Variants in HHIP observed in about 807,000 individuals in gnomAD.
HHIP encodes the protein hedgehog interacting protein.
In HHIP, 12 loss-of-function variants were observed where a neutral mutation model predicts 74.0. That is an observed-to-expected ratio of 0.16 (90% CI 0.10 to 0.26). The LOEUF is 0.26. Among genes scored for constraint, HHIP ranks in the 10% least tolerant of loss-of-function variants. The pLI is 1.00. For synonymous variants in HHIP, 309 were observed against 311.6 expected (o/e 0.99, Z 0.09); for missense variants, 788 against 845.0 (o/e 0.93, Z 0.84).
At chr4:144,730,511 AT>A (rs906841042) in intron 11 of HHIP, among the ~76,000 whole-genome samples, 3 of 151,894 alleles carry the variant, frequency 2.0e-5, no homozygotes, top group Non-Finnish European at 4.4e-5. Context: ...GGTTCCAAAA[AT>A]TTAAAGAGTT....
chr4:144,735,816 CA>C (rs1459783149), intron 12 of HHIP, among the ~76,000 whole-genome samples: 1 of 151,792 alleles, frequency 6.6e-6, no homozygotes, highest in Admixed American at 6.6e-5. Flanking sequence ...TATTGCCTAA[CA>C]AAAAAACCAA....
chr4:144,742,108 T>G lies in HHIP; in HGVS notation c.*4151T>G, dbSNP rs1172582237. Reference sequence around the variant, plus strand: ...ACATACATACATATATTCTTTTTCCTTTTAACCACTTCCCTCTCCTACATT... The same window carrying G: ...ACATACATACATATATTCTTTTTCCGTTTAACCACTTCCCTCTCCTACATT... On this transcript the variant is annotated 3_prime_UTR_variant, in exon 13 of 13. Coordinates refer to ENST00000296575, the MANE Select transcript of HHIP (RefSeq NM_022475.3). 6.6e-6 allele frequency: 1 copy of G among 151,866 alleles called. No individual in the cohort carries two copies. Among genetic ancestry groups the G allele is most frequent in the African/African-American group, 2.4e-5 (1 of 41,362 alleles). 9.4% of individuals were successfully genotyped at this position (151,866 alleles called of 1,614,324 possible). A position where few individuals can be genotyped will look rare whatever the true frequency, so the allele number is the denominator to read the frequency against.
In HHIP at chr4:144,744,760, G is replaced by C. The variant is rs766234775; in HGVS notation, c.*6803G>C. ...TACCATGATTATGTGCTGTAGAAAA[G>C]ACAAGGACATTTACTAGGGGGGGAT... On this transcript the variant is annotated 3_prime_UTR_variant, in exon 13 of 13. Coordinates refer to ENST00000296575, the MANE Select transcript of HHIP (RefSeq NM_022475.3). 2.7e-4 allele frequency: 27 copies of C among 101,786 alleles called. No homozygotes were observed. Among genetic ancestry groups the C allele is most frequent in the Non-Finnish European group, 4.8e-4 (24 of 49,584 alleles). The allele number at this position is 101,786 out of a possible 1,614,324, so 6.3% of individuals were successfully genotyped here.
In HHIP at chr4:144,742,964, G is replaced by T. The variant is rs28484764; in HGVS notation, c.*5007G>T. On this transcript the variant is annotated 3_prime_UTR_variant, in exon 13 of 13. Transcript: ENST00000296575. ...TTATATATATATCTTATACATATAA[G>T]ATATATGTATATATATATACATTAT... is the stretch of plus-strand genomic sequence containing the variant. The T allele has an allele frequency of 0.01, 54 of 5,314 alleles. 2 individuals are homozygous for T. Among genetic ancestry groups the T allele is most frequent in the African/African-American group, 0.013 (53 of 4,206 alleles). The allele number at this position is 5,314 out of a possible 1,614,324, so 0.3% of individuals were successfully genotyped here.
At chr4:144,674,609 G>A (rs894881982) in intron 4 of HHIP, among the ~76,000 whole-genome samples, 1 of 151,862 alleles carries the variant, frequency 6.6e-6, no homozygotes, top group Admixed American at 6.6e-5. Context: ...AAAAAAAAAC[G>A]AATAAATCAA....
chr4:144,656,082 A>C (rs542733845), intron 2 of HHIP, among the ~76,000 whole-genome samples: 1 of 152,340 alleles, frequency 6.6e-6, no homozygotes, highest in South Asian at 2.1e-4. Flanking sequence ...AATGACAAAC[A>C]AAAGGGAGCC....
chr4:144,654,465 T>C (rs1359985325), intron 2 of HHIP, among the ~76,000 whole-genome samples: 2 of 152,172 alleles, frequency 1.3e-5, no homozygotes, highest in Non-Finnish European at 2.9e-5. Context: ...CCAGAGACTC[T>C]GGAAGGCTTT....
At chr4:144,667,760 G>A (rs1360936177) in intron 4 of HHIP, among the ~76,000 whole-genome samples, 1 of 152,092 alleles carries the variant, frequency 6.6e-6, no homozygotes, top group Non-Finnish European at 1.5e-5. Context: ...TAGTAATGTC[G>A]GTCTTTTTTG....
In HHIP at chr4:144,740,090, G is replaced by T. The variant is rs956267209; in HGVS notation, c.*2133G>T. 6.6e-6 allele frequency: 1 copy of T among 152,078 alleles called. No homozygotes were observed. Among genetic ancestry groups the T allele is most frequent in the Non-Finnish European group, 1.5e-5 (1 of 68,028 alleles). The allele number at this position is 152,078 out of a possible 1,614,324, so 9.4% of individuals were successfully genotyped here. On this transcript the variant is annotated 3_prime_UTR_variant, in exon 13 of 13. Coordinates refer to ENST00000296575, the MANE Select transcript of HHIP (RefSeq NM_022475.3). Reference sequence around the variant, plus strand: ...AACAAAATGTGAACTTCTTGTGAGGGAGCCAGCTGTCTAAATCTGTCAAAT... The same window carrying T: ...AACAAAATGTGAACTTCTTGTGAGGTAGCCAGCTGTCTAAATCTGTCAAAT...
intron 4 of HHIP, among the ~76,000 whole-genome samples, chr4:144,688,079 A>G (rs1729537474): frequency 6.6e-6 from 1 of 152,094 alleles, no homozygotes; most frequent in South Asian, 2.1e-4. Flanking sequence ...TCAAATAACC[A>G]TCCAAAACCC....
intron 7 of HHIP, among the ~76,000 whole-genome samples, chr4:144,708,563 A>G (rs1221151146): frequency 6.6e-6 from 1 of 152,222 alleles, no homozygotes; most frequent in East Asian, 1.9e-4. Context: ...TTTCACCTTA[A>G]AATGTGGAGA....
chr4:144,706,983 T>A (rs1390450506), intron 5 of HHIP, 104 bp from the exon 6 acceptor site: 1 of 892,848 alleles, frequency 1.1e-6, no homozygotes, highest in Non-Finnish European at 1.8e-6. Flanking sequence ...CCTTATTTAC[T>A]ATGTGCCAGG....
At chr4:144,736,838 A>G (rs546235082) in intron 12 of HHIP, among the ~76,000 whole-genome samples, 3 of 152,278 alleles carry the variant, frequency 2.0e-5, no homozygotes, top group African/African-American at 7.2e-5. Flanking sequence ...CACAGATTTA[A>G]AGCATAAAAT....
At chr4:144,721,075 A>T (rs938308771) in intron 11 of HHIP, among the ~76,000 whole-genome samples, 1 of 152,228 alleles carries the variant, frequency 6.6e-6, no homozygotes, top group Non-Finnish European at 1.5e-5. Flanking sequence ...TCAAACACAA[A>T]TTAAACTTTT....
In HHIP at chr4:144,646,548, C is replaced by A; in HGVS notation, c.-128C>A. On this transcript the variant is annotated 5_prime_UTR_variant, in exon 1 of 13. Coordinates refer to ENST00000296575, the MANE Select transcript of HHIP (RefSeq NM_022475.3). ...CTGTACATATTTTTGTCCCCGCCAC[C>A]TCCCTCTGTCTCTGGAGTGCCCTAC... The A allele has an allele frequency of 1.1e-6, 1 of 912,938 alleles. No individual in the cohort carries two copies. The highest frequency in any genetic ancestry group is 1.7e-5 in the South Asian group (1 of 59,150). The allele number at this position is 912,938 out of a possible 1,614,324, so 56.6% of individuals were successfully genotyped here. A position where few individuals can be genotyped will look rare whatever the true frequency, so the allele number is the denominator to read the frequency against.
chr4:144,712,042 T>A lies in HHIP; in HGVS notation c.1394T>A (p.Ile465Asn). ...GGAAAAAACAGATCATCAGCCAGAA[T>A]TCTACAGATAATAAAGGGGAAAGAT... ...SNGKNRSSARILQIIKGKDYE... is the reference protein window; with the variant it reads ...SNGKNRSSARNLQIIKGKDYE... Residue 465 changes from isoleucine (I) to asparagine (N), a missense_variant, in exon 8 of 13, where the codon ATT becomes AAT. Ile to Asn is a moderately radical substitution (Grantham distance 149, BLOSUM62 -3). Coordinates refer to ENST00000296575, the MANE Select transcript of HHIP (RefSeq NM_022475.3). 6.2e-7 allele frequency: 1 copy of A among 1,613,126 alleles called. No individual in the cohort carries two copies. Among genetic ancestry groups the A allele is most frequent in the Non-Finnish European group, 8.5e-7 (1 of 1,179,204 alleles).
At chr4:144,683,685 G>A (rs1729404994) in intron 4 of HHIP, among the ~76,000 whole-genome samples, 1 of 152,034 alleles carries the variant, frequency 6.6e-6, no homozygotes. Flanking sequence ...GCCTGTTTTT[G>A]TAAATAAAGT....
At chr4:144,712,180 A>C in intron 8 of HHIP, 109 bp downstream of exon 8, 1 of 936,080 alleles carries the variant, frequency 1.1e-6, no homozygotes, top group Non-Finnish European at 1.6e-6. Context: ...GGGAAAGCAT[A>C]AAAACACTGG....
chr4:144,734,144 G>A (rs1441103256), intron 11 of HHIP, among the ~76,000 whole-genome samples: 1 of 150,982 alleles, frequency 6.6e-6, no homozygotes, highest in Non-Finnish European at 1.5e-5. Context: ...CAACTCAATA[G>A]TATACACACA....
Sources: allele counts gnomAD v4.1 joint callset (sites outside exome capture counted in the v4.1 genomes callset), GRCh38; gene constraint gnomAD v4.1.1; transcripts MANE v1.5; gene names NCBI Gene and HGNC (gene_info 2026-07-23, HGNC 2026-07-21).